Variants in RYR2 observed in about 807,000 individuals in gnomAD.
RYR2 encodes ryanodine receptor 2.
Under a neutral mutation model 601.1 loss-of-function variants are expected in RYR2, and 227 were observed. The ratio of observed to expected loss-of-function variants is 0.38; its 90% CI spans 0.34 to 0.42. The LOEUF is 0.42. Ranked by LOEUF, RYR2 falls within the 10% of genes least tolerant of loss-of-function variation. The probability of loss-of-function intolerance (pLI) is 1.00; values close to 1 mark genes in which losing one functional copy is unlikely to be tolerated. For synonymous variants in RYR2, 2,223 were observed against 2,175.1 expected (o/e 1.02, Z -0.61); for missense variants, 4,646 against 6,156.5 (o/e 0.75, Z 8.21).
rs139755449 is a variant in RYR2, at chr1:237,451,953, C to T, written c.1293-2438C>T. ...CTTCTGTTCTCTCTCTCCCAGGTCA[C>T]GGTGGTTGTGGTAGTACTGTGTGTG... On this transcript the variant is annotated intron_variant, in intron 14 of 104. Coordinates refer to ENST00000366574, the MANE Select transcript of RYR2 (RefSeq NM_001035.3). Among the ~76,000 whole-genome samples, 786 of 147,900 alleles carry T rather than the reference C, an allele frequency of 5.3e-3. 9 individuals carry two copies. The highest frequency in any genetic ancestry group is 0.015 in the African/African-American group (605 of 40,604).
At chr1:237,462,133 C>T (rs532712436) in intron 16 of RYR2, among the ~76,000 whole-genome samples, 2 of 152,242 alleles carry the variant, frequency 1.3e-5, no homozygotes, top group East Asian at 3.9e-4. Context: ...GCTGTCAAAA[C>T]CTTTGGTTCA....
intron 1 of RYR2, among the ~76,000 whole-genome samples, chr1:237,202,940 C>A (rs1028241291): frequency 2.0e-5 from 3 of 152,170 alleles, no homozygotes; most frequent in African/African-American, 7.2e-5. Flanking sequence ...ATAGAAACAA[C>A]TTTCTAAAGT....
rs753271609 is a variant in RYR2, at chr1:237,614,459, G to A, written c.5331G>A (p.Gln1777=). The change falls in exon 37 of 105, where the codon CAG becomes CAA. Residue 1777 remains glutamine (Q), a synonymous_variant. Coordinates refer to ENST00000366574, the MANE Select transcript of RYR2 (RefSeq NM_001035.3). This position sits in a 1 kb window ranked among gnomAD's most constrained non-coding sequence, Gnocchi z 4.3. ...SFVSISNECY[Q]YSPEFPLDIL... ...TAAGCATTAGTAATGAATGTTACCAGTACAGTCCAGAGTTCCCACTGGACA... is the reference window on the plus strand; with the variant it reads ...TAAGCATTAGTAATGAATGTTACCAATACAGTCCAGAGTTCCCACTGGACA... 2 of 1,613,884 alleles carry A rather than the reference G, an allele frequency of 1.2e-6. No homozygotes were observed. The highest frequency in any genetic ancestry group is 1.3e-5 in the African/African-American group (1 of 74,918).
intron 24 of RYR2, among the ~76,000 whole-genome samples, 158 bp downstream of exon 24, chr1:237,511,949 T>C (rs1327782068): frequency 1.3e-5 from 2 of 152,024 alleles, no homozygotes; most frequent in Non-Finnish European, 2.9e-5. Context: ...ATTGGATCAG[T>C]ATTTGTTGAG....
chr1:237,193,050 T>C (rs545891064), intron 1 of RYR2, among the ~76,000 whole-genome samples: 7 of 151,206 alleles, frequency 4.6e-5, no homozygotes, highest in South Asian at 4.2e-4. Context: ...CGGCCAGGCG[T>C]GGTGGCTCAT....
intron 92 of RYR2, among the ~76,000 whole-genome samples, chr1:237,790,081 T>C (rs1658190811): frequency 6.6e-6 from 1 of 152,204 alleles, no homozygotes; most frequent in African/African-American, 2.4e-5. Context: ...GTAAATCCCC[T>C]GACATATCCA....
rs1558375731 is a variant in RYR2, at chr1:237,178,461, TG to T, written c.49-92035del. On this transcript the variant is annotated intron_variant, in intron 1 of 104. Coordinates refer to ENST00000366574, the MANE Select transcript of RYR2 (RefSeq NM_001035.3). ...GTGTGTGTGTGTGTGTGTGTGTGTG[TG>T]TGTGTGTTTAAAAGAGATCCCTCTG... 1.9e-3 allele frequency among the ~76,000 whole-genome samples: 275 copies of T among 145,432 alleles called. 1 individual carries two copies. Among genetic ancestry groups the T allele is most frequent in the African/African-American group, 7.1e-3 (266 of 37,238 alleles).
intron 2 of RYR2, among the ~76,000 whole-genome samples, chr1:237,271,132 T>C (rs907380953): frequency 1.6e-4 from 25 of 152,260 alleles, no homozygotes; most frequent in Non-Finnish European, 2.5e-4. Context: ...CTTTTTTTTT[T>C]CCTCAAAGTG....
intron 55 of RYR2, 127 bp from the exon 56 acceptor site, chr1:237,660,682 AT>A: frequency 1.3e-6 from 1 of 774,544 alleles, no homozygotes; most frequent in South Asian, 3.3e-5. Flanking sequence ...TCCTTTTTAT[AT>A]TTTTAAATAA....
At chr1:237,334,682 T>C (rs1697080574) in intron 3 of RYR2, among the ~76,000 whole-genome samples, 1 of 152,186 alleles carries the variant, frequency 6.6e-6, no homozygotes, top group South Asian at 2.1e-4. Context: ...CCGTTTTCTC[T>C]GGGCGTCTGC....
chr1:237,552,696 T>C (rs929140422), intron 27 of RYR2, among the ~76,000 whole-genome samples: 1 of 152,032 alleles, frequency 6.6e-6, no homozygotes, highest in Non-Finnish European at 1.5e-5. Flanking sequence ...ATCTTGCATG[T>C]TTTATGTATA....
Position 237,387,394 on chromosome 1 carries a change from T to C in RYR2, c.676+14T>C. 1 of 1,611,006 alleles carries C rather than the reference T, an allele frequency of 6.2e-7. No individual in the cohort carries two copies. The highest frequency in any genetic ancestry group is 8.5e-7 in the Non-Finnish European group (1 of 1,177,216). On this transcript the variant is annotated intron_variant, in intron 9 of 104. Coordinates refer to ENST00000366574, the MANE Select transcript of RYR2 (RefSeq NM_001035.3). ...AGGCAGCCCAAGGTAAAAACTCCACTTCAATTAGAGGGCCTGTCCTTGCTG... is the reference window on the plus strand; with the variant it reads ...AGGCAGCCCAAGGTAAAAACTCCACCTCAATTAGAGGGCCTGTCCTTGCTG...
intron 11 of RYR2, among the ~76,000 whole-genome samples, 152 bp downstream of exon 11, chr1:237,417,275 A>G (rs1273805507): frequency 2.0e-5 from 3 of 151,992 alleles, no homozygotes; most frequent in Admixed American, 6.6e-5. Context: ...TCTTTTGTCT[A>G]TTTCCTTCCA....
At chr1:237,369,927 C>A (rs575529960) in intron 6 of RYR2, among the ~76,000 whole-genome samples, 1 of 151,974 alleles carries the variant, frequency 6.6e-6, no homozygotes, top group South Asian at 2.1e-4. Flanking sequence ...TTGAAGAGTT[C>A]ATTTATTAGA....
At chr1:237,715,279 C>T (rs1689180670) in intron 71 of RYR2, among the ~76,000 whole-genome samples, 1 of 152,122 alleles carries the variant, frequency 6.6e-6, no homozygotes, top group African/African-American at 2.4e-5. Context: ...AAAGGAGCTG[C>T]ATAGTTTGGG....
chr1:237,642,991 A>G (rs896986508), intron 47 of RYR2, among the ~76,000 whole-genome samples: 2 of 152,224 alleles, frequency 1.3e-5, no homozygotes, highest in South Asian at 2.1e-4. Flanking sequence ...AGGTATTTAC[A>G]TGTAATTTTG....
At chr1:237,499,572 T>A (rs897516645) in intron 20 of RYR2, among the ~76,000 whole-genome samples, 33 of 152,320 alleles carry the variant, frequency 2.2e-4, no homozygotes, top group Admixed American at 3.9e-4. Flanking sequence ...ATGACTTTTT[T>A]AAAAAGCTGC....
intron 97 of RYR2, among the ~76,000 whole-genome samples, chr1:237,798,801 C>CACAT (rs3835529): frequency 0.23 from 34,528 of 148,152 alleles, 4,142 homozygotes; most frequent in Admixed American, 0.36. Context: ...CACACACACA[C>CACAT]ATATAGTGTG....
At chr1:237,468,733 G>A (rs184335457) in intron 16 of RYR2, among the ~76,000 whole-genome samples, 25 of 152,282 alleles carry the variant, frequency 1.6e-4, no homozygotes, top group African/African-American at 6.0e-4. Context: ...GCTTGAGAGA[G>A]AAGAATAATT....
Sources: gnomAD v4.1 joint callset for allele counts (sites outside exome capture counted in the v4.1 genomes callset) on GRCh38, gnomAD v4.1.1 for gene constraint, Gnocchi (gnomAD v3.1) non-coding constraint, MANE v1.5 for transcripts, NCBI Gene and HGNC (gene_info 2026-07-23, HGNC 2026-07-21) for gene names.